The following TAF2 variants were observed in gnomAD, a reference collection of about 807,000 sequenced individuals.
TAF2 encodes the protein TATA-box binding protein associated factor 2, also known as transcription initiation factor TFIID subunit 2.
A neutral mutation model predicts 138.5 loss-of-function variants in TAF2; 61 were observed. The observed-to-expected ratio is 0.44, with a 90% CI of 0.36 to 0.54. The LOEUF (loss-of-function observed/expected upper bound fraction) is 0.54. Among genes scored for constraint, TAF2 ranks in the 20% least tolerant of loss-of-function variants. The probability of loss-of-function intolerance (pLI) is 0.00; values close to 1 mark genes in which losing one functional copy is unlikely to be tolerated. For missense variants in TAF2, 1,090 were observed against 1,427.9 expected, an observed-to-expected ratio of 0.76 and a Z score of 3.81; for synonymous variants, 475 against 469.9, an observed-to-expected ratio of 1.01 and a Z score of -0.14.
chr8:119,771,702 C>A (rs192038152), intron 18 of TAF2, among the ~76,000 whole-genome samples: 2 of 152,202 alleles, frequency 1.3e-5, no homozygotes, highest in Admixed American at 1.3e-4. Context: ...AAAACAACAC[C>A]TACACCTAAG....
chr8:119,810,943 A>G (rs1485291691), intron 3 of TAF2, among the ~76,000 whole-genome samples: 1 of 152,224 alleles, frequency 6.6e-6, no homozygotes, highest in East Asian at 1.9e-4. Context: ...ATCAACTGGG[A>G]AGCCAGTCTC....
intron 7 of TAF2, 23 bp from the exon 8 acceptor site, chr8:119,797,126 G>A: frequency 6.7e-7 from 1 of 1,486,474 alleles, no homozygotes; most frequent in Non-Finnish European, 9.4e-7. Flanking sequence ...AGAGAAGAAA[G>A]CTCATTATAA....
intron 3 of TAF2, among the ~76,000 whole-genome samples, chr8:119,807,157 T>C (rs1017905236): frequency 2.0e-5 from 3 of 152,202 alleles, no homozygotes; most frequent in Non-Finnish European, 4.4e-5. Flanking sequence ...CAAAATGTAA[T>C]AGCACCTACC....
At chr8:119,765,505 T>C (rs1322065175) in intron 18 of TAF2, among the ~76,000 whole-genome samples, 1 of 152,102 alleles carries the variant, frequency 6.6e-6, no homozygotes, top group Non-Finnish European at 1.5e-5. Context: ...ATGAGTATGT[T>C]AAAGGAAAAG....
At chr8:119,779,358 A>T (rs939815286) in intron 17 of TAF2, among the ~76,000 whole-genome samples, 2 of 150,046 alleles carry the variant, frequency 1.3e-5, no homozygotes, top group Non-Finnish European at 3.0e-5. Flanking sequence ...TGTTTTATTT[A>T]AAAAAAAAAT....
At chr8:119,823,308 A>G (rs1825903003) in intron 2 of TAF2, among the ~76,000 whole-genome samples, 1 of 152,162 alleles carries the variant, frequency 6.6e-6, no homozygotes, top group South Asian at 2.1e-4. Context: ...AAGTTACCTG[A>G]CATGTTTGGG....
chr8:119,788,818 T>G lies in TAF2; in HGVS notation c.1655A>C (p.Tyr552Ser). 6.2e-7 allele frequency: 1 copy of G among 1,613,822 alleles called. No individual in the cohort carries two copies. The highest frequency in any genetic ancestry group is 8.5e-7 in the Non-Finnish European group (1 of 1,179,772). Residue 552 changes from tyrosine (Y) to serine (S), a missense_variant, in exon 13 of 26, where the codon TAT becomes TCT. This residue lies in a region of TAF2 where 504 missense variants were observed against 680.9 expected (regional missense o/e 0.74). Coordinates refer to ENST00000378164, the MANE Select transcript of TAF2 (RefSeq NM_003184.4). ...GTATTTCTGAGTTCCAGGAGATGTATAGTCCTGTTTTATTTCCAGTTCCAA... is the reference window on the plus strand; with the variant it reads ...GTATTTCTGAGTTCCAGGAGATGTAGAGTCCTGTTTTATTTCCAGTTCCAA... ...NVLELEIKQD[Y>S]TSPGTQKYVG... is the part of the protein sequence containing the mutation.
intron 17 of TAF2, among the ~76,000 whole-genome samples, chr8:119,778,632 A>G (rs1337687808): frequency 6.6e-6 from 1 of 152,232 alleles, no homozygotes; most frequent in Non-Finnish European, 1.5e-5. Flanking sequence ...AAACGATATA[A>G]GTAGGTGGAG....
At chr8:119,810,772 G>T (rs145630467) in intron 3 of TAF2, among the ~76,000 whole-genome samples, 1 of 151,974 alleles carries the variant, frequency 6.6e-6, no homozygotes, top group African/African-American at 2.4e-5. Flanking sequence ...AAGTTATCAG[G>T]GAAATGCAAA....
At chr8:119,766,729 G>A (rs1821447558) in intron 18 of TAF2, among the ~76,000 whole-genome samples, 1 of 152,128 alleles carries the variant, frequency 6.6e-6, no homozygotes, top group Admixed American at 6.6e-5. Flanking sequence ...AGCTACTCGG[G>A]AAGTTGAGGC....
At chr8:119,811,910 A>G (rs1026196723) in intron 3 of TAF2, among the ~76,000 whole-genome samples, 43 of 152,148 alleles carry the variant, frequency 2.8e-4, no homozygotes, top group Non-Finnish European at 5.4e-4. Context: ...TCCTATGAAA[A>G]AGCCTAGGGG....
At chr8:119,780,149 C>CATT (rs10643963) in intron 17 of TAF2, among the ~76,000 whole-genome samples, 143,545 of 152,044 alleles carry the variant, frequency 0.94, 67,842 homozygotes, top group East Asian at 1. Context: ...TCTCTGCCTT[C>CATT]ATTATGAAAT....
At chr8:119,776,940 C>G (rs1822290329) in intron 18 of TAF2, among the ~76,000 whole-genome samples, 1 of 152,132 alleles carries the variant, frequency 6.6e-6, no homozygotes, top group Admixed American at 6.6e-5. Flanking sequence ...TCCATGGATT[C>G]TGCATCTTTG....
At chr8:119,798,955 T>C (rs952153660) in intron 6 of TAF2, among the ~76,000 whole-genome samples, 1 of 152,102 alleles carries the variant, frequency 6.6e-6, no homozygotes, top group Non-Finnish European at 1.5e-5. Context: ...AAAAAAGGAC[T>C]AATTTTTAGA....
chr8:119,785,484 T>C (rs909557965), intron 14 of TAF2, among the ~76,000 whole-genome samples: 2 of 152,178 alleles, frequency 1.3e-5, no homozygotes, highest in African/African-American at 2.4e-5. Context: ...CCTGATCAAA[T>C]GTTAACAAGA....
intron 25 of TAF2, among the ~76,000 whole-genome samples, chr8:119,738,592 G>T (rs982342229): frequency 6.6e-6 from 1 of 152,134 alleles, no homozygotes; most frequent in Non-Finnish European, 1.5e-5. Flanking sequence ...CAAAAGAGAT[G>T]TTCAGAGTTG....
chr8:119,785,104 T>G (rs1822925138), intron 15 of TAF2, 97 bp downstream of exon 15: 1 of 926,220 alleles, frequency 1.1e-6, no homozygotes, highest in Admixed American at 2.1e-5. Flanking sequence ...AAGCACTCAT[T>G]TGGAGGACAG....
chr8:119,747,293 C>G (rs892316731), intron 22 of TAF2, among the ~76,000 whole-genome samples: 4 of 152,188 alleles, frequency 2.6e-5, no homozygotes, highest in African/African-American at 9.7e-5. Flanking sequence ...TTACTACTTT[C>G]AGGTTTTACA....
intron 8 of TAF2, among the ~76,000 whole-genome samples, chr8:119,796,030 T>C (rs1823801727): frequency 6.6e-6 from 1 of 152,128 alleles, no homozygotes; most frequent in Non-Finnish European, 1.5e-5. Context: ...TCCCATGCAT[T>C]ATGCCATTAC....
Sources: allele counts gnomAD v4.1 joint callset (sites outside exome capture counted in the v4.1 genomes callset), GRCh38; gene constraint gnomAD v4.1.1; regional missense constraint gnomAD v4.1.1; transcripts MANE v1.5; gene names NCBI Gene and HGNC (gene_info 2026-07-23, HGNC 2026-07-21).